NPFFR2: variants seen among roughly 807,000 people sequenced by gnomAD.
The protein encoded by NPFFR2 is G-protein coupled receptor 74.
Under a neutral mutation model 13.1 loss-of-function variants are expected in NPFFR2, and 15 were observed. The observed-to-expected ratio is 1.15, with a 90% CI of 0.77 to 1.76. The LOEUF (loss-of-function observed/expected upper bound fraction) is 1.76. Ranked by LOEUF, NPFFR2 falls within the 40% of genes most tolerant of loss-of-function variation. The pLI, the probability that NPFFR2 is intolerant of heterozygous loss-of-function variation, is 0.00. For missense variants in NPFFR2, 572 were observed against 503.5 expected (o/e 1.14, Z -1.30); for synonymous variants, 190 against 175.7 (o/e 1.08, Z -0.65).
At chr4:72,089,576 G>A (rs950237556) in intron 1 of NPFFR2, among the ~76,000 whole-genome samples, 3 of 152,142 alleles carry the variant, frequency 2.0e-5, no homozygotes, top group South Asian at 2.1e-4. Context: ...CTGATAATTA[G>A]TGATGTTGAG....
intron 1 of NPFFR2, among the ~76,000 whole-genome samples, chr4:72,113,417 T>C (rs1278687430): frequency 2.0e-5 from 3 of 152,112 alleles, no homozygotes; most frequent in Admixed American, 6.6e-5. Flanking sequence ...CATCAATCCA[T>C]TTAGCCATTT....
intron 1 of NPFFR2, among the ~76,000 whole-genome samples, chr4:72,076,560 G>T (rs1335019228): frequency 6.6e-6 from 1 of 152,134 alleles, no homozygotes; most frequent in African/African-American, 2.4e-5. Context: ...ATCAGCAAAT[G>T]ATCTTAGCAA....
intron 1 of NPFFR2, among the ~76,000 whole-genome samples, chr4:72,075,132 G>A (rs1044401285): frequency 3.3e-5 from 5 of 152,126 alleles, no homozygotes; most frequent in Non-Finnish European, 7.4e-5. Context: ...TTAATCTAGT[G>A]GGTGCAATCT....
chr4:72,053,604 A>G (rs1719655614), intron 1 of NPFFR2, among the ~76,000 whole-genome samples: 1 of 151,934 alleles, frequency 6.6e-6, no homozygotes, highest in South Asian at 2.1e-4. Context: ...CATTGCCAAT[A>G]TATAGAAATA....
intron 1 of NPFFR2, among the ~76,000 whole-genome samples, chr4:72,059,952 C>A (rs4353867): frequency 0.89 from 135,631 of 152,108 alleles, 61,570 homozygotes; most frequent in Non-Finnish European, 0.98. Context: ...AGATAATTAT[C>A]ACTTTAATAA....
At chr4:72,126,765 A>C (rs1016376862) in intron 1 of NPFFR2, among the ~76,000 whole-genome samples, 1 of 152,116 alleles carries the variant, frequency 6.6e-6, no homozygotes, top group Non-Finnish European at 1.5e-5. Flanking sequence ...AATACTTTAC[A>C]TGTGTTTTCA....
intron 1 of NPFFR2, among the ~76,000 whole-genome samples, chr4:72,093,665 A>G (rs1344053960): frequency 6.6e-6 from 1 of 151,058 alleles, no homozygotes; most frequent in African/African-American, 2.5e-5. Context: ...CTAAGTCTGT[A>G]CTTGATTTCC....
chr4:72,110,366 C>T (rs1267333457), intron 1 of NPFFR2, among the ~76,000 whole-genome samples: 3 of 151,940 alleles, frequency 2.0e-5, no homozygotes, highest in African/African-American at 7.2e-5. Flanking sequence ...TTATAAATTA[C>T]CCAGTCTCAA....
rs1465227710 is a variant in NPFFR2, at chr4:72,057,190, A to G, written c.-8+24990A>G. On this transcript the variant is annotated intron_variant, in intron 1 of 3. Coordinates refer to ENST00000308744, the MANE Select transcript of NPFFR2 (RefSeq NM_004885.3). ...ATTTAAAAATTACCACTTGGCAATC[A>G]TCATCATCATCATCATTGACTCAGG... Among the ~76,000 whole-genome samples, 35 of 3,850 alleles carry G rather than the reference A, an allele frequency of 9.1e-3. No individual in the cohort carries two copies. In the Non-Finnish European group the frequency reaches 0.21, roughly 23 times the overall value. The allele number at this position is 3,850 out of a possible 152,430, so 2.5% of individuals were successfully genotyped here.
chr4:72,049,294 T>C (rs541877733), intron 1 of NPFFR2, among the ~76,000 whole-genome samples: 1 of 152,252 alleles, frequency 6.6e-6, no homozygotes, highest in East Asian at 1.9e-4. Context: ...GTTGTGTCTT[T>C]GGTTGTCTTT....
intron 1 of NPFFR2, among the ~76,000 whole-genome samples, chr4:72,085,777 A>C (rs1011874139): frequency 1.3e-5 from 2 of 152,180 alleles, no homozygotes; most frequent in African/African-American, 4.8e-5. Flanking sequence ...ACTCTTCAGC[A>C]CATGATTTTT....
chr4:72,113,487 A>G (rs1339321248), intron 1 of NPFFR2, among the ~76,000 whole-genome samples: 1 of 152,038 alleles, frequency 6.6e-6, no homozygotes, highest in Non-Finnish European at 1.5e-5. Context: ...GCTATCATCA[A>G]TGTCCTATCA....
rs1232229557 is a variant in NPFFR2, at chr4:72,128,853, G to A, written c.262G>A (p.Ala88Thr). The A allele has an allele frequency of 1.2e-6, 2 of 1,613,824 alleles. No homozygotes were observed. Among genetic ancestry groups the A allele is most frequent in the African/African-American group, 1.3e-5 (1 of 74,882 alleles). Residue 88 changes from alanine to threonine, a missense_variant, in exon 2 of 4, where the codon GCC becomes ACC. Coordinates refer to ENST00000308744, the MANE Select transcript of NPFFR2 (RefSeq NM_004885.3). ...TVTNLFILNLAISDLLVGIFC... is the reference protein window; with the variant it reads ...TVTNLFILNLTISDLLVGIFC... ...CACTAATCTCTTCATCTTAAACCTGGCCATAAGTGATTTACTAGTTGGCAT... is the reference window on the plus strand; with the variant it reads ...CACTAATCTCTTCATCTTAAACCTGACCATAAGTGATTTACTAGTTGGCAT...
chr4:72,058,770 C>A (rs1015487913), intron 1 of NPFFR2, among the ~76,000 whole-genome samples: 23 of 151,998 alleles, frequency 1.5e-4, no homozygotes, highest in African/African-American at 5.6e-4. Context: ...TTTTCAGTAT[C>A]ATGTCTGTCA....
At chr4:72,110,666 A>G (rs1721539224) in intron 1 of NPFFR2, among the ~76,000 whole-genome samples, 1 of 152,022 alleles carries the variant, frequency 6.6e-6, no homozygotes, top group Admixed American at 6.6e-5. Context: ...ATGGTTTATT[A>G]GGAATAGCTA....
chr4:72,146,988 G>T lies in NPFFR2; in HGVS notation c.439G>T (p.Val147Leu). ...VAIAVDRFQC[V>L]VYPFKPKLTI... is the part of the protein sequence containing the mutation. ...TGTGTTTAATTGCAGGTTCCAGTGT[G>T]TGGTCTACCCTTTTAAACCAAAGCT... Residue 147 changes from valine to leucine, a missense_variant, in exon 4 of 4, where the codon GTG (valine) becomes TTG (leucine). Coordinates refer to ENST00000308744, the MANE Select transcript of NPFFR2 (RefSeq NM_004885.3). The T allele has an allele frequency of 6.2e-7, 1 of 1,608,498 alleles. No individual in the cohort carries two copies.
chr4:72,132,893 T>G (rs940812122), intron 2 of NPFFR2, among the ~76,000 whole-genome samples: 2 of 152,378 alleles, frequency 1.3e-5, no homozygotes, highest in Non-Finnish European at 1.5e-5. Flanking sequence ...TGCTGGATAT[T>G]AGACCTTAGT....
intron 1 of NPFFR2, among the ~76,000 whole-genome samples, chr4:72,092,678 A>G (rs1720949589): frequency 6.8e-6 from 1 of 148,124 alleles, no homozygotes; most frequent in South Asian, 2.2e-4. Flanking sequence ...TTTGGTGTTC[A>G]TTTACATGGA....
At chr4:72,045,357 C>A (rs10937990) in intron 1 of NPFFR2, among the ~76,000 whole-genome samples, 1 of 152,178 alleles carries the variant, frequency 6.6e-6, no homozygotes, top group Admixed American at 6.5e-5. Flanking sequence ...AGTATTTCCA[C>A]GTTCTCTATT....
Sources: allele counts gnomAD v4.1 joint callset (sites outside exome capture counted in the v4.1 genomes callset), GRCh38; gene constraint gnomAD v4.1.1; transcripts MANE v1.5; gene names NCBI Gene and HGNC (gene_info 2026-07-23, HGNC 2026-07-21).